Variants in RBFOX1 observed in about 807,000 individuals in gnomAD.
The protein encoded by RBFOX1 is RNA binding fox-1 homolog 1, also known as RNA binding protein fox-1 homolog 1.
Under a neutral mutation model 57.7 loss-of-function variants are expected in RBFOX1, and 8 were observed. That is an observed-to-expected ratio of 0.14 (90% confidence interval 0.08 to 0.25). The LOEUF is 0.25. Ranked by LOEUF, RBFOX1 falls within the 10% of genes least tolerant of loss-of-function variation. The pLI is 1.00. For synonymous variants in RBFOX1, 326 were observed against 222.4 expected, an observed-to-expected ratio of 1.47 and a Z score of -4.15; for missense variants, 611 against 548.5, an observed-to-expected ratio of 1.11 and a Z score of -1.14.
chr16:5,524,602 G>C (rs9925809), intron 2 of RBFOX1, among the ~76,000 whole-genome samples: 1 of 150,856 alleles, frequency 6.6e-6, no homozygotes, highest in Admixed American at 6.6e-5. Context: ...GTGCAGTGGT[G>C]CGATCTTGGC....
chr16:5,435,893 G>A (rs536851426), intron 1 of RBFOX1, among the ~76,000 whole-genome samples: 3 of 152,364 alleles, frequency 2.0e-5, no homozygotes, highest in African/African-American at 7.2e-5. Context: ...ACTATCAACA[G>A]AGCTGCGGTG....
intron 1 of RBFOX1, among the ~76,000 whole-genome samples, chr16:6,215,047 G>C (rs1005658607): frequency 3.6e-5 from 5 of 137,804 alleles, no homozygotes; most frequent in Admixed American, 2.1e-4. Context: ...AGGGAGAGGG[G>C]AGAAGGAGAG....
At chr16:5,243,562 A>T (rs1233926811) in intron 1 of RBFOX1, among the ~76,000 whole-genome samples, 2 of 152,142 alleles carry the variant, frequency 1.3e-5, no homozygotes, top group African/African-American at 4.8e-5. Context: ...TCCATCCTCT[A>T]GGTGCCATTC....
intron 3 of RBFOX1, among the ~76,000 whole-genome samples, chr16:5,743,995 C>G (rs955185202): frequency 2.0e-5 from 3 of 152,184 alleles, no homozygotes; most frequent in Non-Finnish European, 2.9e-5. Context: ...CTTCAAAGGA[C>G]CTATCTTACG....
At chr16:6,852,429 A>C (rs1188741012) in intron 3 of RBFOX1, among the ~76,000 whole-genome samples, 2 of 152,216 alleles carry the variant, frequency 1.3e-5, no homozygotes, top group African/African-American at 4.8e-5. Context: ...TATAAGTTTC[A>C]GGGATTTTTG....
chr16:7,451,174 C>T (rs1256232711), intron 4 of RBFOX1, among the ~76,000 whole-genome samples: 3 of 152,148 alleles, frequency 2.0e-5, no homozygotes, highest in Admixed American at 2.0e-4. Context: ...GTTGTGCAGT[C>T]TGGGTGAGGG....
At chr16:7,561,412 C>A (rs1227652275) in intron 5 of RBFOX1, among the ~76,000 whole-genome samples, 1 of 152,192 alleles carries the variant, frequency 6.6e-6, no homozygotes. Context: ...GAGTATATTT[C>A]TTAGCATTTC....
In RBFOX1 at chr16:7,673,487, G is replaced by A. The variant is rs571380948; in HGVS notation, c.931-3287G>A. On this transcript the variant is annotated intron_variant, in intron 13 of 15. Transcript: ENST00000550418. ...TTTGGGAGGCTGAATTGGGAGGATCGCTTGATCCCAGGAGTTTGACAGCAG... is the reference window on the plus strand; with the variant it reads ...TTTGGGAGGCTGAATTGGGAGGATCACTTGATCCCAGGAGTTTGACAGCAG... Among the ~76,000 whole-genome samples, 13 of 152,236 alleles carry A rather than the reference G, an allele frequency of 8.5e-5. No individual in the cohort carries two copies. The South Asian group carries it at 1.7e-3, about 19-fold the overall frequency.
intron 1 of RBFOX1, among the ~76,000 whole-genome samples, chr16:6,234,569 A>ATGTGTGGGGTTGGTACTTTCTG (rs1352670415): frequency 6.6e-6 from 1 of 152,146 alleles, no homozygotes; most frequent in African/African-American, 2.4e-5. Flanking sequence ...AATGGGGTGG[A>ATGTGTGGGGTTGGTACTTTCTG]TGTGTGGGGT....
intron 3 of RBFOX1, among the ~76,000 whole-genome samples, chr16:6,677,687 C>T (rs906634404): frequency 2.0e-5 from 3 of 152,126 alleles, no homozygotes; most frequent in Admixed American, 6.5e-5. Context: ...CGGCTGTATC[C>T]ATAGACATGT....
At chr16:7,287,995 A>T (rs1247602403) in intron 4 of RBFOX1, among the ~76,000 whole-genome samples, 1 of 152,086 alleles carries the variant, frequency 6.6e-6, no homozygotes. Context: ...AATCCAAACC[A>T]ATCTCGTGTG....
At chr16:7,014,661 T>C (rs2093817620) in intron 3 of RBFOX1, among the ~76,000 whole-genome samples, 1 of 152,150 alleles carries the variant, frequency 6.6e-6, no homozygotes, top group South Asian at 2.1e-4. Flanking sequence ...TCTCAGTCTT[T>C]CAAGGTAATG....
At chr16:6,571,302 G>A (rs370408248) in intron 2 of RBFOX1, among the ~76,000 whole-genome samples, 8 of 152,316 alleles carry the variant, frequency 5.3e-5, no homozygotes, top group African/African-American at 1.9e-4. Flanking sequence ...GAATCCAGTG[G>A]GAGGAGCAAG....
At chr16:6,832,980 C>G (rs187774807) in intron 3 of RBFOX1, among the ~76,000 whole-genome samples, 2 of 152,142 alleles carry the variant, frequency 1.3e-5, no homozygotes, top group African/African-American at 2.4e-5. Context: ...TATGTAACTC[C>G]TGCTCCTCAT....
intron 3 of RBFOX1, among the ~76,000 whole-genome samples, chr16:6,736,974 C>T (rs2070537752): frequency 6.6e-6 from 1 of 152,064 alleles, no homozygotes; most frequent in South Asian, 2.1e-4. Context: ...GCCTGTGTGC[C>T]CTGTATTCGC....
intron 1 of RBFOX1, among the ~76,000 whole-genome samples, chr16:5,247,101 C>G (rs1461556721): frequency 6.6e-6 from 1 of 152,206 alleles, no homozygotes; most frequent in African/African-American, 2.4e-5. Context: ...GGATTTCCTT[C>G]TTTTTGAAGG....
rs567419680 is a variant in RBFOX1 at position 7,198,907 on chromosome 16, C to T, written c.27+146809C>T. Among the ~76,000 whole-genome samples the T allele has an allele frequency of 2.0e-5, 3 of 152,292 alleles. No individual in the cohort carries two copies. The South Asian group carries it at 6.2e-4, about 32-fold the overall frequency. ...TGGTTCCCAGGCAATGAGTTGGCTG[C>T]CTTGTTCACAGTTTGCTCAGTATGA... is the stretch of plus-strand genomic sequence containing the variant. On this transcript the variant is annotated intron_variant, in intron 4 of 15. Transcript: ENST00000550418.
intron 3 of RBFOX1, among the ~76,000 whole-genome samples, chr16:6,908,311 A>G (rs557547359): frequency 2.0e-5 from 3 of 151,652 alleles, no homozygotes; most frequent in East Asian, 1.9e-4. Context: ...GCCTCTGACC[A>G]TGGCTTGGGC....
intron 4 of RBFOX1, among the ~76,000 whole-genome samples, chr16:7,365,936 T>C (rs1395705988): frequency 6.6e-6 from 1 of 152,194 alleles, no homozygotes; most frequent in Non-Finnish European, 1.5e-5. Flanking sequence ...ACTAGCTTCC[T>C]GCACATGGTG....
Sources: allele counts gnomAD v4.1 joint callset (sites outside exome capture counted in the v4.1 genomes callset), GRCh38; gene constraint gnomAD v4.1.1; transcripts MANE v1.5; gene names NCBI Gene and HGNC (gene_info 2026-07-23, HGNC 2026-07-21).